Variants in CRYBB2 observed in about 807,000 individuals in gnomAD.
The protein encoded by CRYBB2 is crystallin beta B2.
In CRYBB2, 12 loss-of-function variants were observed where a neutral mutation model predicts 24.3. The ratio of observed to expected loss-of-function variants is 0.49; its 90% confidence interval spans 0.32 to 0.80. The LOEUF is 0.80. CRYBB2 is among the 30% of genes least tolerant of loss of function. CRYBB2 has a pLI of 0.04. For synonymous variants in CRYBB2, 98 were observed against 101.6 expected (o/e 0.96, Z 0.21); for missense variants, 198 against 268.5 (o/e 0.74, Z 1.83).
chr22:25,228,058 C>T, intron 4 of CRYBB2, 73 bp downstream of exon 4: 1 of 1,606,356 alleles, frequency 6.2e-7, no homozygotes. Context: ...CACCTTGGAG[C>T]TGGAGGTCTG....
At chr22:25,219,297 C>T (rs565861989), upstream of CRYBB2, among the ~76,000 whole-genome samples, 11 of 152,178 alleles carry the variant, frequency 7.2e-5, no homozygotes, top group Non-Finnish European at 1.3e-4. Flanking sequence ...CTTGTTCTTC[C>T]CCAGGCCCAC....
In CRYBB2 at chr22:25,229,971, G is replaced by A. The variant is rs5760927; in HGVS notation, c.449+393G>A. On this transcript the variant is annotated intron_variant, in intron 5 of 5. Transcript: ENST00000398215. ...ACCAGCCCATGCTGCCTTTGACCGC[G>A]TGTGTCCCTAAGTTTGGGAACAGGA... is the stretch of plus-strand genomic sequence containing the variant. Among the ~76,000 whole-genome samples, 593 of 146,652 alleles carry A rather than the reference G, an allele frequency of 4.0e-3. 6 individuals carry two copies. The highest frequency in any genetic ancestry group is 0.013 in the African/African-American group (521 of 40,526).
chr22:25,225,190 A>T (rs1287288584), intron 3 of CRYBB2, among the ~76,000 whole-genome samples, 154 bp downstream of exon 3: 2 of 152,192 alleles, frequency 1.3e-5, no homozygotes, highest in Non-Finnish European at 2.9e-5. Flanking sequence ...TTGCAGTCAG[A>T]TAGAGCTGGG....
chr22:25,220,695 AGGAAG>A (rs1935303822), intron 1 of CRYBB2, among the ~76,000 whole-genome samples: 1 of 152,194 alleles, frequency 6.6e-6, no homozygotes, highest in Non-Finnish European at 1.5e-5. Flanking sequence ...CCCCTTCTGC[AGGAAG>A]GGGGAAGAGG....
intron 1 of CRYBB2, chr22:25,213,535 C>T (rs932389380): frequency 3.9e-5 from 6 of 152,148 alleles, no homozygotes; most frequent in African/African-American, 1.4e-4. Context: ...GGTGTGGGCT[C>T]TGCCATTTTG....
chr22:25,231,164 G>A (rs1403203356), intron 5 of CRYBB2, among the ~76,000 whole-genome samples: 1 of 152,128 alleles, frequency 6.6e-6, no homozygotes, highest in East Asian at 1.9e-4. Context: ...GTAGCCCCTG[G>A]AAACTCTTTC....
chr22:25,220,475 C>T (rs986250269), intron 1 of CRYBB2, among the ~76,000 whole-genome samples: 1 of 152,220 alleles, frequency 6.6e-6, no homozygotes, highest in African/African-American at 2.4e-5. Flanking sequence ...ATGGCAGGAC[C>T]TCAGGCACTC....
In CRYBB2 at chr22:25,221,453, G is replaced by T; in HGVS notation, c.24G>T (p.Gln8His). The change falls in exon 2 of 6, where the codon CAG becomes CAT. Residue 8 changes from glutamine (Q) to histidine (H), a missense_variant. Gln to His is a conservative substitution (Grantham distance 24). Coordinates refer to ENST00000398215, the MANE Select transcript of CRYBB2 (RefSeq NM_000496.3). ...CCATGGCCTCAGATCACCAGACCCA[G>T]GCGGGCAAGCCACAGTCCCTCAACC... is the stretch of plus-strand genomic sequence containing the variant. The part of the protein sequence containing the change: MASDHQT[Q>H]AGKPQSLNPK... 3 of 1,614,036 alleles carry T rather than the reference G, an allele frequency of 1.9e-6. No homozygotes were observed. Among genetic ancestry groups the T allele is most frequent in the Non-Finnish European group, 2.5e-6 (3 of 1,179,902 alleles).
At chr22:25,218,779 GAAGAAAGAAAGAAAGA>G (rs1168197356), upstream of CRYBB2, among the ~76,000 whole-genome samples, 42 of 34,526 alleles carry the variant, frequency 1.2e-3, 1 homozygote, top group East Asian at 5.2e-3. Context: ...GAGAGAGAGA[GAAGAAAGAAAGAAAGA>G]AAGAAAGAAA....
chr22:25,214,542 G>A (rs1280790527), intron 1 of CRYBB2, among the ~76,000 whole-genome samples: 1 of 151,656 alleles, frequency 6.6e-6, no homozygotes, highest in African/African-American at 2.4e-5. Context: ...GAGTGTGGGA[G>A]TGAAAAGAAA....
At chr22:25,225,080 G>A in intron 3 of CRYBB2, 44 bp downstream of exon 3, 1 of 1,070,738 alleles carries the variant, frequency 9.3e-7, no homozygotes, top group Non-Finnish European at 1.5e-6. Context: ...CTTTGGGTGA[G>A]GTGATCAAGT....
At chr22:25,231,256 C>T (rs1387039076) in intron 5 of CRYBB2, among the ~76,000 whole-genome samples, 13 of 152,180 alleles carry the variant, frequency 8.5e-5, no homozygotes, top group East Asian at 1.9e-4. Context: ...TGGAGGGAGA[C>T]GGTTCAAAGG....
At chr22:25,215,490 T>C (rs958926209), upstream of CRYBB2, among the ~76,000 whole-genome samples, 13 of 152,252 alleles carry the variant, frequency 8.5e-5, no homozygotes, top group African/African-American at 3.1e-4. Context: ...CTCTCAGCTC[T>C]GAAGGCTATG....
chr22:25,226,684 T>C (rs2146091317), intron 3 of CRYBB2, among the ~76,000 whole-genome samples: 1 of 152,260 alleles, frequency 6.6e-6, no homozygotes, highest in African/African-American at 2.4e-5. Flanking sequence ...TTTGTTTTGT[T>C]TTGTTGAGAC....
chr22:25,214,643 T>G (rs1935143897), upstream of CRYBB2, among the ~76,000 whole-genome samples: 1 of 152,234 alleles, frequency 6.6e-6, no homozygotes, highest in African/African-American at 2.4e-5. Flanking sequence ...TCTATAATAT[T>G]TGTAAGAGCC....
chr22:25,223,580 G>A (rs987866178), intron 2 of CRYBB2, among the ~76,000 whole-genome samples: 4 of 152,154 alleles, frequency 2.6e-5, no homozygotes, highest in Non-Finnish European at 4.4e-5. Flanking sequence ...GTCAGTGACC[G>A]TAAAGGGCTG....
At chr22:25,218,820 A>AAAGAAAGAAAGAAAG (rs1569016436), upstream of CRYBB2, among the ~76,000 whole-genome samples, 78 of 91,142 alleles carry the variant, frequency 8.6e-4, no homozygotes, top group Non-Finnish European at 1.4e-3. Flanking sequence ...GAAAGAAAGA[A>AAAGAAAGAAAGAAAG]AGAAAGAAAG....
chr22:25,222,200 A>G (rs986469733), intron 2 of CRYBB2, among the ~76,000 whole-genome samples: 1 of 152,066 alleles, frequency 6.6e-6, no homozygotes, highest in Non-Finnish European at 1.5e-5. Context: ...CCTTTGTCTG[A>G]CTCAGTGCCT....
At chr22:25,219,943 C>A (rs936785491) in intron 1 of CRYBB2, among the ~76,000 whole-genome samples, 5 of 152,086 alleles carry the variant, frequency 3.3e-5, no homozygotes, top group African/African-American at 1.2e-4. Context: ...CTATCAGCAT[C>A]CTTGTTTCGC....
Sources: allele counts gnomAD v4.1 joint callset (sites outside exome capture counted in the v4.1 genomes callset), GRCh38; gene constraint gnomAD v4.1.1; transcripts MANE v1.5; gene names NCBI Gene and HGNC (gene_info 2026-07-23, HGNC 2026-07-21).